SUSD5: variants seen among roughly 807,000 people sequenced by gnomAD.
SUSD5 encodes sushi domain containing 5, also known as sushi domain-containing protein 5.
A neutral mutation model predicts 29.5 loss-of-function variants in SUSD5; 33 were observed. The ratio of observed to expected loss-of-function variants is 1.12; its 90% CI spans 0.85 to 1.49. The LOEUF (loss-of-function observed/expected upper bound fraction) is 1.49, where lower values mean the gene tolerates loss of function less well. SUSD5 is among the 40% of genes most tolerant of loss of function. The pLI, the probability that SUSD5 is intolerant of heterozygous loss-of-function variation, is 0.00. For missense variants in SUSD5, 776 were observed against 800.6 expected, an observed-to-expected ratio of 0.97 and a Z score of 0.37; for synonymous variants, 308 against 325.3, an observed-to-expected ratio of 0.95 and a Z score of 0.57.
At chr3:33,203,990 C>T (rs1400041619) in intron 3 of SUSD5, among the ~76,000 whole-genome samples, 1 of 152,060 alleles carries the variant, frequency 6.6e-6, no homozygotes, top group Non-Finnish European at 1.5e-5. Context: ...TCATAGCTCA[C>T]TGCAGCCTCA....
chr3:33,168,528 C>T (rs1393631083), intron 4 of SUSD5: 5 of 985,370 alleles, frequency 5.1e-6, no homozygotes, highest in Non-Finnish European at 6.0e-6. Flanking sequence ...ACTGAGGGGA[C>T]AGCTAGTTTG....
intron 3 of SUSD5, among the ~76,000 whole-genome samples, chr3:33,176,203 T>C (rs1252606661): frequency 6.6e-6 from 1 of 152,240 alleles, no homozygotes; most frequent in Non-Finnish European, 1.5e-5. Flanking sequence ...CTGAATATTA[T>C]TCCATTGTCT....
At chr3:33,180,179 T>C (rs1288194719) in intron 3 of SUSD5, among the ~76,000 whole-genome samples, 1 of 152,178 alleles carries the variant, frequency 6.6e-6, no homozygotes, top group Non-Finnish European at 1.5e-5. Flanking sequence ...TCAAGAGATA[T>C]TCCAGAGAAG....
intron 3 of SUSD5, among the ~76,000 whole-genome samples, chr3:33,187,877 C>G (rs1342489176): frequency 7.1e-6 from 1 of 139,926 alleles, no homozygotes; most frequent in Non-Finnish European, 1.5e-5. Flanking sequence ...TTGTTCAATT[C>G]CCACCTATGA....
intron 2 of SUSD5, among the ~76,000 whole-genome samples, chr3:33,210,195 C>G (rs2032296187): frequency 6.6e-6 from 1 of 152,210 alleles, no homozygotes; most frequent in Admixed American, 6.5e-5. Context: ...TCCTAGACAT[C>G]TGGAGCACTG....
chr3:33,162,545 TAAG>T (rs2031213428), intron 4 of SUSD5, among the ~76,000 whole-genome samples: 1 of 152,128 alleles, frequency 6.6e-6, no homozygotes. Flanking sequence ...CAAGACTAAT[TAAG>T]AAGAATTTAG....
At chr3:33,210,775 G>A (rs994952164) in intron 2 of SUSD5, among the ~76,000 whole-genome samples, 1 of 152,136 alleles carries the variant, frequency 6.6e-6, no homozygotes, top group Non-Finnish European at 1.5e-5. Flanking sequence ...ATGGTGAAAA[G>A]AGAATAATAT....
At chr3:33,193,838 G>T (rs1238689355) in intron 3 of SUSD5, among the ~76,000 whole-genome samples, 1 of 152,106 alleles carries the variant, frequency 6.6e-6, no homozygotes, top group Non-Finnish European at 1.5e-5. Context: ...AATTTATAGT[G>T]TAACATTGAA....
intron 1 of SUSD5, among the ~76,000 whole-genome samples, 198 bp downstream of exon 1, chr3:33,218,488 G>A (rs1042047530): frequency 6.6e-6 from 1 of 152,176 alleles, no homozygotes; most frequent in South Asian, 2.1e-4. Flanking sequence ...CCAGGCGGGC[G>A]TTTGGGCGCA....
At position 33,160,798 on chromosome 3, in the gene SUSD5, G is replaced by GAA. The variant is rs5847776; in HGVS notation, c.599-6767_599-6766dup. Among the ~76,000 whole-genome samples, 13 of 151,414 alleles carry GAA rather than the reference G, an allele frequency of 8.6e-5. No individual in the cohort carries two copies. The South Asian group carries it at 1.2e-3, about 15-fold the overall frequency. Reference sequence around the variant, plus strand: ...GCAGACTGAGAATTTTATAAAACCAGAAAAAAAAGACAGAAGAGACATATT... The same window carrying GAA: ...GCAGACTGAGAATTTTATAAAACCAGAAAAAAAAAAGACAGAAGAGACATATT... On this transcript the variant is annotated intron_variant, in intron 4 of 4. Coordinates refer to ENST00000309558, the MANE Select transcript of SUSD5 (RefSeq NM_015551.2).
chr3:33,164,732 G>A (rs1296567086), intron 4 of SUSD5, among the ~76,000 whole-genome samples: 2 of 152,140 alleles, frequency 1.3e-5, no homozygotes, highest in Non-Finnish European at 2.9e-5. Flanking sequence ...CTTCACAAAT[G>A]AGGTATTCTA....
chr3:33,168,650 T>A lies in SUSD5; in HGVS notation c.598+6236A>T, dbSNP rs1258694695. 8.5e-6 allele frequency: 8 copies of A among 935,710 alleles called. No individual in the cohort carries two copies. The East Asian group carries it at 8.2e-4, about 95-fold the overall frequency. The allele number at this position is 935,710 out of a possible 1,614,324, so 58.0% of individuals were successfully genotyped here. Reference sequence around the variant, plus strand: ...AGGACAGGATATGCCTGGTTTTATTTTTTATTTTTATTTTTTTGAGACAGA... The same window carrying A: ...AGGACAGGATATGCCTGGTTTTATTATTTATTTTTATTTTTTTGAGACAGA... On this transcript the variant is annotated intron_variant, in intron 4 of 4. Transcript: ENST00000309558.
chr3:33,197,031 C>T (rs1404540179), intron 3 of SUSD5, among the ~76,000 whole-genome samples: 1 of 152,206 alleles, frequency 6.6e-6, no homozygotes, highest in Non-Finnish European at 1.5e-5. Flanking sequence ...TGAGTGAACA[C>T]AGGGTACTAC....
chr3:33,174,216 C>T (rs918276878), intron 4 of SUSD5, among the ~76,000 whole-genome samples: 12 of 152,158 alleles, frequency 7.9e-5, no homozygotes, highest in African/African-American at 2.9e-4. Flanking sequence ...GTGGGAATAG[C>T]CCTTGCAGCA....
intron 3 of SUSD5, among the ~76,000 whole-genome samples, chr3:33,187,046 C>G (rs562864433): frequency 6.6e-6 from 1 of 152,260 alleles, no homozygotes; most frequent in East Asian, 1.9e-4. Flanking sequence ...CAAATTCCAG[C>G]TGGTATCTCA....
At chr3:33,213,572 G>A (rs905029994) in intron 2 of SUSD5, among the ~76,000 whole-genome samples, 9 of 152,168 alleles carry the variant, frequency 5.9e-5, no homozygotes, top group African/African-American at 9.6e-5. Context: ...TAAGGAGTTC[G>A]AGATCAGCCT....
At chr3:33,213,557 T>C (rs2032364149) in intron 2 of SUSD5, among the ~76,000 whole-genome samples, 2 of 152,130 alleles carry the variant, frequency 1.3e-5, no homozygotes, top group South Asian at 4.1e-4. Flanking sequence ...GTAGATCACC[T>C]GAGGTAAGGA....
At position 33,154,045 on chromosome 3, in the gene SUSD5, G is replaced by A. The variant is rs370377606; in HGVS notation, c.599-12C>T. On this transcript the variant is annotated splice_polypyrimidine_tract_variant and intron_variant, in intron 4 of 4. Transcript: ENST00000309558. ...TGCCTCAGCCTCATCTGGAAGAAAA[G>A]AGGGAAAAAACCTCATTAGCTCCAA... The A allele has an allele frequency of 3.2e-6, 5 of 1,558,210 alleles. No individual in the cohort carries two copies. Among genetic ancestry groups the A allele is most frequent in the Admixed American group, 2.1e-5 (1 of 48,008 alleles).
At chr3:33,187,512 C>A (rs1286525831) in intron 3 of SUSD5, among the ~76,000 whole-genome samples, 1 of 152,144 alleles carries the variant, frequency 6.6e-6, no homozygotes, top group Non-Finnish European at 1.5e-5. Flanking sequence ...CCACTCATAT[C>A]CAGGTGCAAC....
Sources: gnomAD v4.1 joint callset for allele counts (sites outside exome capture counted in the v4.1 genomes callset) on GRCh38, gnomAD v4.1.1 for gene constraint, MANE v1.5 for transcripts, NCBI Gene and HGNC (gene_info 2026-07-23, HGNC 2026-07-21) for gene names.